The following KCNIP4 variants were observed in gnomAD, a reference collection of about 807,000 sequenced individuals.
KCNIP4 encodes Kv channel-interacting protein 4.
In KCNIP4, 12 loss-of-function variants were observed where a neutral mutation model predicts 34.0. The ratio of observed to expected loss-of-function variants is 0.35; its 90% CI spans 0.23 to 0.57. The LOEUF (loss-of-function observed/expected upper bound fraction) is 0.57, where lower values mean the gene tolerates loss of function less well. Ranked by LOEUF, KCNIP4 falls within the 20% of genes least tolerant of loss-of-function variation. The probability of loss-of-function intolerance (pLI) is 0.83; values close to 1 mark genes in which losing one functional copy is unlikely to be tolerated. For missense variants in KCNIP4, 238 were observed against 311.7 expected (o/e 0.76, Z 1.78); for synonymous variants, 124 against 102.2 (o/e 1.21, Z -1.29).
intron 1 of KCNIP4, among the ~76,000 whole-genome samples, chr4:21,857,475 G>C (rs1724830413): frequency 1.3e-5 from 2 of 152,220 alleles, no homozygotes; most frequent in South Asian, 4.2e-4. Flanking sequence ...GGAATGACCA[G>C]TTGTAGACAG....
chr4:21,870,179 G>GGTAAAC (rs1725703190), intron 1 of KCNIP4, among the ~76,000 whole-genome samples: 1 of 152,088 alleles, frequency 6.6e-6, no homozygotes, highest in Non-Finnish European at 1.5e-5. Context: ...GAGTTTGCAA[G>GGTAAAC]GTAAACTCTT....
chr4:20,822,914 CT>C (rs546507938), intron 3 of KCNIP4, among the ~76,000 whole-genome samples: 1 of 152,182 alleles, frequency 6.6e-6, no homozygotes, highest in South Asian at 2.1e-4. Flanking sequence ...GCCCTAGGCC[CT>C]TTTTCCCTTC....
At chr4:21,197,879 G>C (rs1028694628) in intron 1 of KCNIP4, among the ~76,000 whole-genome samples, 1 of 151,998 alleles carries the variant, frequency 6.6e-6, no homozygotes, top group Non-Finnish European at 1.5e-5. Context: ...TCATCCCAAG[G>C]GCACAAGTAT....
intron 1 of KCNIP4, among the ~76,000 whole-genome samples, chr4:21,035,028 A>G (rs545814319): frequency 2.9e-4 from 44 of 152,302 alleles, no homozygotes; most frequent in African/African-American, 1.0e-3. Context: ...CCCAATAAGG[A>G]TCCAAAGCAA....
chr4:21,157,617 A>G (rs564358686), intron 1 of KCNIP4, among the ~76,000 whole-genome samples: 1 of 152,320 alleles, frequency 6.6e-6, no homozygotes, highest in East Asian at 1.9e-4. Context: ...GAGATTGGAA[A>G]ATATTTTAAA....
At chr4:21,946,222 T>C (rs763952644) in intron 1 of KCNIP4, among the ~76,000 whole-genome samples, 1 of 151,936 alleles carries the variant, frequency 6.6e-6, no homozygotes, top group Non-Finnish European at 1.5e-5. Flanking sequence ...TACATACACG[T>C]ACGCACACAG....
chr4:21,364,877 G>A (rs1307274146), intron 1 of KCNIP4, among the ~76,000 whole-genome samples: 1 of 152,160 alleles, frequency 6.6e-6, no homozygotes, highest in Admixed American at 6.6e-5. Context: ...ACATGAGTTG[G>A]ACTTCGATGG....
At chr4:21,074,572 T>C (rs1745301771) in intron 1 of KCNIP4, among the ~76,000 whole-genome samples, 1 of 152,204 alleles carries the variant, frequency 6.6e-6, no homozygotes, top group Admixed American at 6.5e-5. Flanking sequence ...ACTTTGTTGA[T>C]CTTTTCAAAA....
rs375153697 is a variant in KCNIP4 at position 20,877,109 on chromosome 4, G to A, written c.163+5499C>T. On this transcript the variant is annotated intron_variant, in intron 2 of 8. Coordinates refer to ENST00000382152, the MANE Select transcript of KCNIP4 (RefSeq NM_025221.6). ...TCCTTGCCCTTCTGGTTTCCCATTG[G>A]GTTTGGCCACGGGTGAAGAGGAAAA... Among the ~76,000 whole-genome samples the A allele has an allele frequency of 5.9e-5, 9 of 152,276 alleles. No homozygotes were observed. The South Asian group carries it at 8.3e-4, about 14-fold the overall frequency.
At chr4:21,354,065 G>A (rs1166445612) in intron 1 of KCNIP4, among the ~76,000 whole-genome samples, 1 of 152,058 alleles carries the variant, frequency 6.6e-6, no homozygotes, top group Non-Finnish European at 1.5e-5. Context: ...ATAAGTGTGG[G>A]AGAAACAAAA....
intron 1 of KCNIP4, among the ~76,000 whole-genome samples, chr4:21,491,768 G>T (rs62301288): frequency 0.21 from 31,311 of 152,098 alleles, 3,628 homozygotes; most frequent in Non-Finnish European, 0.27. Context: ...TATCAGTGTT[G>T]GCCTCAACTA....
chr4:20,986,956 A>G (rs986070085), intron 1 of KCNIP4, among the ~76,000 whole-genome samples: 4 of 152,084 alleles, frequency 2.6e-5, no homozygotes, highest in Admixed American at 2.6e-4. Flanking sequence ...AGCTGTGGCT[A>G]CCGGATCGAA....
intron 1 of KCNIP4, among the ~76,000 whole-genome samples, chr4:21,927,803 T>C (rs899470112): frequency 6.6e-6 from 1 of 152,138 alleles, no homozygotes; most frequent in African/African-American, 2.4e-5. Context: ...TGGAGTCAGA[T>C]GGACGTTAAA....
At position 21,126,634 on chromosome 4, in the gene KCNIP4, A is replaced by AG. The variant is rs1212611407; in HGVS notation, c.62-243926_62-243925insC. Among the ~76,000 whole-genome samples the AG allele has an allele frequency of 1.4e-4, 12 of 84,906 alleles. 1 individual carries two copies. The highest frequency in any genetic ancestry group is 4.1e-4 in the African/African-American group (11 of 26,744). 55.7% of individuals were successfully genotyped at this position (84,906 alleles called of 152,430 possible). On this transcript the variant is annotated intron_variant, in intron 1 of 8. Coordinates refer to ENST00000382152, the MANE Select transcript of KCNIP4 (RefSeq NM_025221.6). ...AGAAATAGCAAAAAAAAAAAAAAAG[A>AG]AAAGAAAAAAGGTTTTTGTCTCTTG...
At chr4:21,241,483 G>A (rs1434605210) in intron 1 of KCNIP4, among the ~76,000 whole-genome samples, 15 of 152,150 alleles carry the variant, frequency 9.9e-5, no homozygotes, top group Admixed American at 9.8e-4. Flanking sequence ...GAGTCACCAG[G>A]TAAGGAAGGT....
intron 1 of KCNIP4, among the ~76,000 whole-genome samples, chr4:21,323,406 C>T (rs1216011582): frequency 6.6e-6 from 1 of 151,904 alleles, no homozygotes; most frequent in East Asian, 1.9e-4. Context: ...CCCCATTCTC[C>T]CAGCCCCAGT....
chr4:20,945,884 T>C (rs1732143075), intron 1 of KCNIP4, among the ~76,000 whole-genome samples: 1 of 152,170 alleles, frequency 6.6e-6, no homozygotes, highest in Non-Finnish European at 1.5e-5. Context: ...AGCAGCCCTT[T>C]GTATTTTTAA....
intron 1 of KCNIP4, among the ~76,000 whole-genome samples, chr4:21,549,130 T>C (rs1416172949): frequency 6.6e-6 from 1 of 152,018 alleles, no homozygotes; most frequent in Non-Finnish European, 1.5e-5. Flanking sequence ...TACCATGCAG[T>C]ACATTCCTTC....
At chr4:21,353,189 G>T (rs992661199) in intron 1 of KCNIP4, among the ~76,000 whole-genome samples, 1 of 152,138 alleles carries the variant, frequency 6.6e-6, no homozygotes, top group Non-Finnish European at 1.5e-5. Context: ...AAGATGGGGA[G>T]AAACCAGAGC....
Sources: allele counts gnomAD v4.1 joint callset (sites outside exome capture counted in the v4.1 genomes callset), GRCh38; gene constraint gnomAD v4.1.1; transcripts MANE v1.5; gene names NCBI Gene and HGNC (gene_info 2026-07-23, HGNC 2026-07-21).